The following CALHM4 variants were observed in gnomAD, a reference collection of about 807,000 sequenced individuals.
The protein encoded by CALHM4 is calcium homeostasis modulator family member 4.
Under a neutral mutation model 13.3 loss-of-function variants are expected in CALHM4, and 16 were observed. The ratio of observed to expected loss-of-function variants is 1.20; its 90% CI spans 0.81 to 1.82. The LOEUF (loss-of-function observed/expected upper bound fraction) is 1.82, where lower values mean the gene tolerates loss of function less well. CALHM4 is among the 40% of genes most tolerant of loss of function. CALHM4 has a pLI of 0.00. For synonymous variants in CALHM4, 127 were observed against 137.1 expected (o/e 0.93, Z 0.52); for missense variants, 344 against 374.9 (o/e 0.92, Z 0.68).
chr6:116,536,906 A>C (rs987695366), intron 1 of CALHM4, among the ~76,000 whole-genome samples: 13 of 151,370 alleles, frequency 8.6e-5, no homozygotes, highest in African/African-American at 3.0e-4. Context: ...TACAAGGATT[A>C]ATAAGATAAT....
intron 1 of CALHM4, among the ~76,000 whole-genome samples, chr6:116,533,968 C>T (rs1474125656): frequency 6.6e-6 from 1 of 152,164 alleles, no homozygotes; most frequent in Non-Finnish European, 1.5e-5. Flanking sequence ...TCTAGCAACA[C>T]AGCAGCCTTC....
In CALHM4 at chr6:116,558,095, G is replaced by C; in HGVS notation, c.829G>C (p.Val277Leu). Residue 277 changes from valine (V) to leucine (L), a missense_variant, in exon 2 of 2, where the codon GTA becomes CTA. Coordinates refer to ENST00000368596, the MANE Select transcript of CALHM4 (RefSeq NM_001366078.2). ...PSCQDWKDIS[V>L]PTLLCMGDDL... ...TTGTCAGGACTGGAAAGATATTTCA[G>C]TACCCACTCTTTTATGCATGGGTGA... is the stretch of plus-strand genomic sequence containing the variant. The C allele has an allele frequency of 6.2e-7, 1 of 1,614,150 alleles. No individual in the cohort carries two copies. Among genetic ancestry groups the C allele is most frequent in the Non-Finnish European group, 8.5e-7 (1 of 1,180,010 alleles).
At chr6:116,530,474 G>A (rs1039230324) in intron 1 of CALHM4, among the ~76,000 whole-genome samples, 1 of 152,130 alleles carries the variant, frequency 6.6e-6, no homozygotes, top group African/African-American at 2.4e-5. Context: ...TTTTGTAATT[G>A]GTTCCTTTAT....
At chr6:116,539,298 C>A (rs1455866714) in intron 1 of CALHM4, among the ~76,000 whole-genome samples, 1 of 152,092 alleles carries the variant, frequency 6.6e-6, no homozygotes, top group Non-Finnish European at 1.5e-5. Flanking sequence ...TTTTCCCCAG[C>A]CTGGTTAGTG....
chr6:116,539,978 A>G (rs1240834096), intron 1 of CALHM4, among the ~76,000 whole-genome samples: 1 of 152,172 alleles, frequency 6.6e-6, no homozygotes, highest in Non-Finnish European at 1.5e-5. Flanking sequence ...GAATGACTAA[A>G]CAATATTCTT....
At chr6:116,544,345 G>A (rs1773645784) in intron 2 of CALHM4, among the ~76,000 whole-genome samples, 2 of 152,000 alleles carry the variant, frequency 1.3e-5, no homozygotes, top group Non-Finnish European at 2.9e-5. Flanking sequence ...TGATGGGTGG[G>A]CACTATTATA....
chr6:116,552,344 C>T (rs114003427), upstream of CALHM4, among the ~76,000 whole-genome samples: 597 of 152,110 alleles, frequency 3.9e-3, 3 homozygotes, highest in African/African-American at 0.014. Context: ...TTTAGTTGTG[C>T]GTTTATTTTT....
chr6:116,544,944 C>CA (rs567902820), intron 2 of CALHM4, among the ~76,000 whole-genome samples: 1 of 151,442 alleles, frequency 6.6e-6, no homozygotes, highest in Non-Finnish European at 1.5e-5. Context: ...AACTAATCTG[C>CA]AAAAAAATAA....
At position 116,558,402 on chromosome 6, in the gene CALHM4, T is replaced by G. The variant is rs955655310; in HGVS notation, c.*191T>G. 1.2e-5 allele frequency: 8 copies of G among 693,526 alleles called. No individual in the cohort carries two copies. In the East Asian group the frequency reaches 2.4e-4, roughly 21 times the overall value. The allele number at this position is 693,526 out of a possible 1,614,324, so 43.0% of individuals were successfully genotyped here. A position where few individuals can be genotyped will look rare whatever the true frequency, so the allele number is the denominator to read the frequency against. The stretch of plus-strand genomic sequence containing the variant: ...TGTGCCAATCTCTCATTTTGAAATT[T>G]TGCCAATGGTCTGGTAATGCCTAGA... On this transcript the variant is annotated 3_prime_UTR_variant, in exon 2 of 2. Transcript: ENST00000368596.
chr6:116,557,422 T>A (rs1774374006), intron 1 of CALHM4, among the ~76,000 whole-genome samples: 1 of 152,222 alleles, frequency 6.6e-6, no homozygotes, highest in Non-Finnish European at 1.5e-5. Flanking sequence ...ACCATCATTA[T>A]CAAATACTTA....
chr6:116,555,787 C>T (rs989852330), intron 1 of CALHM4, among the ~76,000 whole-genome samples: 2 of 152,146 alleles, frequency 1.3e-5, no homozygotes, highest in Non-Finnish European at 2.9e-5. Context: ...CACAAAATCA[C>T]CTTGAATTCA....
Position 116,553,966 on chromosome 6 carries a change from T to C in CALHM4, c.173T>C (p.Ile58Thr). 4 of 1,550,686 alleles carry C rather than the reference T, an allele frequency of 2.6e-6. No individual in the cohort carries two copies. The highest frequency in any genetic ancestry group is 3.5e-6 in the Non-Finnish European group (4 of 1,147,020). Residue 58 changes from isoleucine (I) to threonine (T), a missense_variant, in exon 1 of 2, where the codon ATT (isoleucine) becomes ACT (threonine). Physicochemically the swap from Ile to Thr is moderately conservative, Grantham distance 89. Transcript: ENST00000368596. ...NFYYGSAFLV[I>T]PALILLVAGF... ...TATTATGGTTCTGCTTTTCTTGTCA[T>C]TCCTGCCTTGATCCTTCTCGTTGCT... is the stretch of plus-strand genomic sequence containing the variant.
At chr6:116,537,897 T>C (rs759964623) in intron 1 of CALHM4, among the ~76,000 whole-genome samples, 3 of 152,218 alleles carry the variant, frequency 2.0e-5, no homozygotes, top group Non-Finnish European at 4.4e-5. Flanking sequence ...GTACTTCCTA[T>C]TGGCATATTT....
chr6:116,542,997 A>G (rs909465400), intron 1 of CALHM4, among the ~76,000 whole-genome samples: 1 of 152,124 alleles, frequency 6.6e-6, no homozygotes, highest in Non-Finnish European at 1.5e-5. Flanking sequence ...CATGTTGTTA[A>G]TAGAATAATT....
chr6:116,545,069 A>G (rs1474234318), intron 2 of CALHM4, among the ~76,000 whole-genome samples: 2 of 151,564 alleles, frequency 1.3e-5, no homozygotes, highest in Non-Finnish European at 2.9e-5. Context: ...ACCTATTTCG[A>G]TTCAGTTTTA....
chr6:116,540,135 C>G (rs536437219), intron 1 of CALHM4, among the ~76,000 whole-genome samples: 2 of 152,294 alleles, frequency 1.3e-5, no homozygotes, highest in South Asian at 2.1e-4. Context: ...GACATATACT[C>G]TACACACTCC....
chr6:116,556,889 C>T (rs776224553), intron 1 of CALHM4, among the ~76,000 whole-genome samples: 2 of 149,570 alleles, frequency 1.3e-5, no homozygotes, highest in Non-Finnish European at 3.0e-5. Context: ...AAAAGGAAAA[C>T]AATATGTTAC....
upstream of CALHM4, among the ~76,000 whole-genome samples, chr6:116,550,715 T>A (rs1360507840): frequency 6.6e-6 from 1 of 152,140 alleles, no homozygotes; most frequent in Non-Finnish European, 1.5e-5. Context: ...TTGAATTATC[T>A]ATGCGTTGGA....
intron 2 of CALHM4, among the ~76,000 whole-genome samples, chr6:116,544,484 C>T (rs1583301934): frequency 6.6e-6 from 1 of 152,036 alleles, no homozygotes; most frequent in East Asian, 1.9e-4. Flanking sequence ...CAAATCCATA[C>T]CACAGATGCC....
Sources: gnomAD v4.1 joint callset for allele counts (sites outside exome capture counted in the v4.1 genomes callset) on GRCh38, gnomAD v4.1.1 for gene constraint, MANE v1.5 for transcripts, NCBI Gene and HGNC (gene_info 2026-07-23, HGNC 2026-07-21) for gene names.